The following INPP5D variants were observed in gnomAD, a reference collection of about 807,000 sequenced individuals.
INPP5D encodes the protein inositol polyphosphate-5-phosphatase D.
Under a neutral mutation model 122.9 loss-of-function variants are expected in INPP5D, and 33 were observed. The ratio of observed to expected loss-of-function variants is 0.27; its 90% CI spans 0.20 to 0.36. INPP5D has a LOEUF of 0.36. Ranked by LOEUF, INPP5D falls within the 10% of genes least tolerant of loss-of-function variation. The pLI, the probability that INPP5D is intolerant of heterozygous loss-of-function variation, is 1.00. For missense variants in INPP5D, 1,053 were observed against 1,412.7 expected (o/e 0.75, Z 4.08); for synonymous variants, 584 against 576.2 (o/e 1.01, Z -0.19).
At position 233,077,966 on chromosome 2, in the gene INPP5D, T is replaced by C. The variant is rs78858027; in HGVS notation, c.135-1369T>C. On this transcript the variant is annotated intron_variant, in intron 1 of 26. Transcript: ENST00000445964. ...GGGTGAGTGTGTGGAGCTTCTACACTGAGGCACTGGCTTCATTACAGAGGC... is the reference window on the plus strand; with the variant it reads ...GGGTGAGTGTGTGGAGCTTCTACACCGAGGCACTGGCTTCATTACAGAGGC... Among the ~76,000 whole-genome samples the C allele has an allele frequency of 3.1e-3, 466 of 152,246 alleles. 3 individuals are homozygous for C. Among genetic ancestry groups the C allele is most frequent in the African/African-American group, 0.011 (452 of 41,538 alleles).
rs199789199 is a variant in INPP5D, at chr2:233,077,234, AACTT to A, written c.135-2094_135-2091del. Among the ~76,000 whole-genome samples, 558 of 152,352 alleles carry A rather than the reference AACTT, an allele frequency of 3.7e-3. 7 individuals are homozygous for A. The South Asian group carries it at 0.044, about 12-fold the overall frequency. The stretch of plus-strand genomic sequence containing the variant: ...CTTGTGGGTATGTTTAAAATTTCTG[AACTT>A]ACTTACAAACAGGAATAGGAAATCT... On this transcript the variant is annotated intron_variant, in intron 1 of 26. Coordinates refer to ENST00000445964, the MANE Select transcript of INPP5D (RefSeq NM_001017915.3).
chr2:233,100,658 G>A lies in INPP5D; in HGVS notation c.198+21260G>A, dbSNP rs536662219. On this transcript the variant is annotated intron_variant, in intron 2 of 26. Transcript: ENST00000445964. This position sits in a 1 kb window ranked among gnomAD's most constrained non-coding sequence, Gnocchi z 5.3. ...GAGGCTTGGTTCTACGGAAGCTGGG[G>A]TCGTCACAGCCTGTTTTCTGCCTTG... 4.6e-5 allele frequency among the ~76,000 whole-genome samples: 7 copies of A among 152,312 alleles called. No homozygotes were observed. Among genetic ancestry groups the A allele is most frequent in the African/African-American group, 1.7e-4 (7 of 41,554 alleles).
At chr2:233,205,070 A>G (rs1695457614) in intron 26 of INPP5D, 1 of 246,666 alleles carries the variant, frequency 4.1e-6, no homozygotes, top group Non-Finnish European at 7.7e-6. Flanking sequence ...AATCATTTAT[A>G]TCTCATTGTT....
chr2:233,161,501 G>A (rs542579006), intron 10 of INPP5D, among the ~76,000 whole-genome samples: 6 of 152,162 alleles, frequency 3.9e-5, no homozygotes, highest in Admixed American at 6.5e-5. Flanking sequence ...GGACTTCTGC[G>A]CAGCTCCTGA....
intron 1 of INPP5D, among the ~76,000 whole-genome samples, chr2:233,063,355 C>T (rs1381858059): frequency 6.6e-6 from 1 of 152,256 alleles, no homozygotes; most frequent in African/African-American, 2.4e-5. Context: ...CACTCCCTCC[C>T]AGGCCCCCTC....
In INPP5D at chr2:233,130,650, T is replaced by G; in HGVS notation, c.665+2T>G. On this transcript the variant is annotated splice_donor_variant, in intron 5 of 26. Coordinates refer to ENST00000445964, the MANE Select transcript of INPP5D (RefSeq NM_001017915.3). LOFTEE classifies it high-confidence loss of function. ...ACTGCTCTGCAAGGAGCTCTATGGG[T>G]AATGGCTGGCCCACGGGGGCGGGCA... is the stretch of plus-strand genomic sequence containing the variant. 6.2e-7 allele frequency: 1 copy of G among 1,613,804 alleles called. No individual in the cohort carries two copies. Among genetic ancestry groups the G allele is most frequent in the Non-Finnish European group, 8.5e-7 (1 of 1,179,782 alleles).
At chr2:233,165,123 TTGTG>T (rs537857908) in intron 13 of INPP5D, among the ~76,000 whole-genome samples, 101 of 152,072 alleles carry the variant, frequency 6.6e-4, no homozygotes, top group African/African-American at 2.3e-3. Flanking sequence ...GTATGTGAGT[TTGTG>T]TGAGTGACAG....
intron 13 of INPP5D, among the ~76,000 whole-genome samples, chr2:233,165,226 C>T (rs764358188): frequency 3.3e-4 from 50 of 152,058 alleles, no homozygotes; most frequent in Non-Finnish European, 5.9e-4. Context: ...AATGTGTGAG[C>T]GTACCACCCC....
rs374391331 is a variant in INPP5D at position 233,128,674 on chromosome 2, C to T, written c.525-1834C>T. On this transcript the variant is annotated intron_variant, in intron 4 of 26. Coordinates refer to ENST00000445964, the MANE Select transcript of INPP5D (RefSeq NM_001017915.3). This position sits in a 1 kb window ranked among gnomAD's most constrained non-coding sequence, Gnocchi z 4.5. Reference sequence around the variant, plus strand: ...TGTATTTTTAGTAGAGACAGGGTTTCACCATGTTGGCCAGGCTGGCCTTGA... The same window carrying T: ...TGTATTTTTAGTAGAGACAGGGTTTTACCATGTTGGCCAGGCTGGCCTTGA... Among the ~76,000 whole-genome samples, 61 of 152,258 alleles carry T rather than the reference C, an allele frequency of 4.0e-4. No individual in the cohort carries two copies. The South Asian group carries it at 0.012, about 30-fold the overall frequency.
intron 2 of INPP5D, among the ~76,000 whole-genome samples, chr2:233,092,110 G>A (rs1692007949): frequency 6.6e-6 from 1 of 152,226 alleles, no homozygotes. Context: ...CAGGGCCAAT[G>A]TTTCATAATC....
intron 18 of INPP5D, among the ~76,000 whole-genome samples, chr2:233,178,399 T>C (rs1352468510): frequency 1.3e-5 from 2 of 152,190 alleles, no homozygotes; most frequent in African/African-American, 4.8e-5. Context: ...AGTGAGACCT[T>C]AAAAATCCAC....
intron 10 of INPP5D, among the ~76,000 whole-genome samples, chr2:233,159,314 A>G (rs1472436770): frequency 2.0e-5 from 3 of 152,186 alleles, no homozygotes; most frequent in Admixed American, 6.5e-5. Context: ...AACCTCATTC[A>G]TTGTTCTCTG....
chr2:233,074,074 G>A (rs1341064799), intron 1 of INPP5D, among the ~76,000 whole-genome samples: 1 of 152,218 alleles, frequency 6.6e-6, no homozygotes, highest in Non-Finnish European at 1.5e-5. Context: ...TCTGGATGGT[G>A]ACATGTTTTC....
intron 1 of INPP5D, among the ~76,000 whole-genome samples, chr2:233,073,529 A>G (rs1010195251): frequency 2.0e-5 from 3 of 149,344 alleles, no homozygotes; most frequent in Admixed American, 6.8e-5. Context: ...AATCCCAGCT[A>G]CTCCGGAGGC....
chr2:233,151,125 G>C (rs548571568), intron 9 of INPP5D, among the ~76,000 whole-genome samples: 67 of 152,226 alleles, frequency 4.4e-4, no homozygotes, highest in African/African-American at 1.6e-3. Context: ...ATCAGGGATG[G>C]GTGAAAGAGC....
intron 17 of INPP5D, among the ~76,000 whole-genome samples, chr2:233,171,508 G>A (rs576830781): frequency 4.6e-5 from 7 of 152,190 alleles, no homozygotes; most frequent in South Asian, 2.1e-4. Flanking sequence ...AGGTTTCTTC[G>A]CTGCAGGACT....
At chr2:233,081,497 A>G (rs1251150032) in intron 2 of INPP5D, among the ~76,000 whole-genome samples, 1 of 152,110 alleles carries the variant, frequency 6.6e-6, no homozygotes, top group Non-Finnish European at 1.5e-5. Flanking sequence ...TAGAGTCGGC[A>G]CCCGCCGCCT....
At chr2:233,181,745 C>T (rs1247040008) in intron 18 of INPP5D, among the ~76,000 whole-genome samples, 2 of 152,284 alleles carry the variant, frequency 1.3e-5, no homozygotes, top group East Asian at 1.9e-4. Flanking sequence ...TCTCTCCCAC[C>T]GATGAGCTGA....
chr2:233,123,875 C>G (rs1693072818), intron 3 of INPP5D, among the ~76,000 whole-genome samples: 1 of 152,096 alleles, frequency 6.6e-6, no homozygotes, highest in Non-Finnish European at 1.5e-5. Flanking sequence ...AACAGAAAAC[C>G]AAATACCACG....
Sources: allele counts gnomAD v4.1 joint callset (sites outside exome capture counted in the v4.1 genomes callset), GRCh38; gene constraint gnomAD v4.1.1; non-coding constraint Gnocchi (gnomAD v3.1); transcripts MANE v1.5; gene names NCBI Gene and HGNC (gene_info 2026-07-23, HGNC 2026-07-21).